The following RIMBP2 variants were observed in gnomAD, a reference collection of about 807,000 sequenced individuals.
RIMBP2 encodes the protein RIMS-binding protein 2.
Under a neutral mutation model 118.6 loss-of-function variants are expected in RIMBP2, and 48 were observed. That is an observed-to-expected ratio of 0.40 (90% CI 0.32 to 0.51). The LOEUF (loss-of-function observed/expected upper bound fraction) is 0.51, where lower values mean the gene tolerates loss of function less well. RIMBP2 is among the 20% of genes least tolerant of loss of function. The pLI, the probability that RIMBP2 is intolerant of heterozygous loss-of-function variation, is 0.41. For synonymous variants in RIMBP2, 762 were observed against 742.9 expected (o/e 1.03, Z -0.42); for missense variants, 1,551 against 1,768.3 (o/e 0.88, Z 2.20).
chr12:130,611,110 G>C (rs1395202337), intron 2 of RIMBP2, among the ~76,000 whole-genome samples: 1 of 152,168 alleles, frequency 6.6e-6, no homozygotes, highest in Non-Finnish European at 1.5e-5. Flanking sequence ...CTCTAGCCAG[G>C]CCGCCCAAAG....
intron 5 of RIMBP2, chr12:130,471,913 T>A (rs1566098446): frequency 6.5e-6 from 1 of 153,618 alleles, no homozygotes; most frequent in South Asian, 2.1e-4. Context: ...CTGGGTGGTG[T>A]GGGGCCTACG....
chr12:130,491,734 G>A (rs1009628849), intron 4 of RIMBP2, among the ~76,000 whole-genome samples: 28 of 152,176 alleles, frequency 1.8e-4, no homozygotes, highest in African/African-American at 4.3e-4. Context: ...GCCTCCCCGC[G>A]CAGAGACCTT....
Position 130,425,055 on chromosome 12 carries a change from C to T in RIMBP2, c.2413-197G>A, listed in dbSNP as rs569506691. 15 of 393,114 alleles carry T rather than the reference C, an allele frequency of 3.8e-5. No homozygotes were observed. The South Asian group carries it at 1.1e-3, about 30-fold the overall frequency. 24.4% of individuals were successfully genotyped at this position (393,114 alleles called of 1,614,324 possible). A position where few individuals can be genotyped will look rare whatever the true frequency, so the allele number is the denominator to read the frequency against. On this transcript the variant is annotated intron_variant, in intron 15 of 22. Coordinates refer to ENST00000690449, the MANE Select transcript of RIMBP2 (RefSeq NM_001393629.1). ...AACAGAATGGGTTACGGGGCTGGGG[C>T]GGGGTGGAGGCTGAGGCAGAGCACA... is the stretch of plus-strand genomic sequence containing the variant.
chr12:130,527,748 GAAA>G (rs151150103), intron 2 of RIMBP2, among the ~76,000 whole-genome samples: 59 of 131,420 alleles, frequency 4.5e-4, no homozygotes, highest in African/African-American at 1.3e-3. Context: ...ACTTACAAGA[GAAA>G]AAAAAAAAAA....
At chr12:130,480,803 GT>G (rs2081931336) in intron 4 of RIMBP2, among the ~76,000 whole-genome samples, 1 of 152,208 alleles carries the variant, frequency 6.6e-6, no homozygotes, top group African/African-American at 2.4e-5. Context: ...GTTTTGCCAT[GT>G]TGGCCAGGCT....
rs535733045 is a variant in RIMBP2 at position 130,469,728 on chromosome 12, G to C, written c.153+965C>G. On this transcript the variant is annotated intron_variant, in intron 6 of 22. Transcript: ENST00000690449. This position sits in a 1 kb window ranked among gnomAD's most constrained non-coding sequence, Gnocchi z 4.8. ...ACATAGCCCGTTTTAAGTGGCTGCT[G>C]CTCCCCCAGGGACACAGGACAAGGT... 3.9e-5 allele frequency among the ~76,000 whole-genome samples: 6 copies of C among 152,330 alleles called. 1 individual carries two copies. In the South Asian group the frequency reaches 1.2e-3, roughly 32 times the overall value.
chr12:130,625,275 C>T (rs777632332), intron 2 of RIMBP2, among the ~76,000 whole-genome samples: 18 of 152,186 alleles, frequency 1.2e-4, no homozygotes, highest in Admixed American at 2.0e-4. Flanking sequence ...CAACTCAGAT[C>T]TGTGAATAAG....
At chr12:130,632,293 C>G (rs1277532756) in intron 1 of RIMBP2, among the ~76,000 whole-genome samples, 1 of 152,230 alleles carries the variant, frequency 6.6e-6, no homozygotes, top group Non-Finnish European at 1.5e-5. Flanking sequence ...ACATCCTATT[C>G]TGCTCCTCTA....
chr12:130,608,918 C>T (rs2060342874), intron 2 of RIMBP2, among the ~76,000 whole-genome samples: 5 of 152,044 alleles, frequency 3.3e-5, no homozygotes, highest in Admixed American at 3.3e-4. Context: ...GTCCTTTAAC[C>T]AGCATCTCCC....
At chr12:130,558,019 G>C (rs1255260049) in intron 2 of RIMBP2, among the ~76,000 whole-genome samples, 1 of 152,186 alleles carries the variant, frequency 6.6e-6, no homozygotes, top group Non-Finnish European at 1.5e-5. Context: ...AAGCAAATAA[G>C]AGGAAATATG....
At chr12:130,429,959 C>T (rs766220325) in intron 14 of RIMBP2, 1 of 152,244 alleles carries the variant, frequency 6.6e-6, no homozygotes, top group Non-Finnish European at 1.5e-5. Flanking sequence ...GAGGGACTGC[C>T]TGCACCACCG....
rs1422603625 is a variant in RIMBP2 at position 130,451,265 on chromosome 12, G to C, written c.434C>G (p.Pro145Arg). 1 of 1,614,134 alleles carries C rather than the reference G, an allele frequency of 6.2e-7. No homozygotes were observed. The highest frequency in any genetic ancestry group is 1.7e-5 in the Admixed American group (1 of 60,020). ...IRPLPQPGDR[P>R]EPLSAKPTFL... ...GGTGGGCTTGGCGGACAGAGGCTCC[G>C]GCCTGTCACCAGGCTGCGGAAGGGG... is the stretch of plus-strand genomic sequence containing the variant. Residue 145 changes from proline to arginine, a missense_variant, in exon 8 of 23, where the codon CCG becomes CGG. By Grantham distance (103) the Pro-to-Arg change is moderately radical. Coordinates refer to ENST00000690449, the MANE Select transcript of RIMBP2 (RefSeq NM_001393629.1).
intron 1 of RIMBP2, among the ~76,000 whole-genome samples, chr12:130,646,840 T>C (rs1277731419): frequency 1.3e-5 from 2 of 152,232 alleles, no homozygotes; most frequent in African/African-American, 2.4e-5. Flanking sequence ...CAGTTCAGAC[T>C]CTGCAGCCAC....
intron 2 of RIMBP2, among the ~76,000 whole-genome samples, chr12:130,584,278 C>A (rs1269094132): frequency 1.5e-5 from 1 of 66,284 alleles, no homozygotes; most frequent in East Asian, 5.7e-4. Context: ...ACCATCACCT[C>A]ATCGCCATCA....
At chr12:130,529,897 G>T (rs2053195954) in intron 2 of RIMBP2, among the ~76,000 whole-genome samples, 1 of 152,178 alleles carries the variant, frequency 6.6e-6, no homozygotes, top group Non-Finnish European at 1.5e-5. Flanking sequence ...TGATCTGATA[G>T]AAGGCAGAGC....
chr12:130,403,323 G>A (rs7959137), intron 21 of RIMBP2, among the ~76,000 whole-genome samples: 76,947 of 151,998 alleles, frequency 0.51, 20,088 homozygotes, highest in Non-Finnish European at 0.58. Context: ...AGAAGCATAC[G>A]TTTCATATTA....
chr12:130,398,726 G>T (rs766503358), intron 22 of RIMBP2: 1 of 152,696 alleles, frequency 6.5e-6, no homozygotes, highest in African/African-American at 2.4e-5. Flanking sequence ...CTTGGGTTAA[G>T]TTTCTAAAGT....
chr12:130,488,440 G>A (rs2082664384), intron 4 of RIMBP2, among the ~76,000 whole-genome samples: 1 of 152,064 alleles, frequency 6.6e-6, no homozygotes, highest in South Asian at 2.1e-4. Flanking sequence ...GGGGCCGTAA[G>A]TTTAATATTA....
chr12:130,529,697 G>C (rs12300708), intron 2 of RIMBP2, among the ~76,000 whole-genome samples: 1 of 152,100 alleles, frequency 6.6e-6, no homozygotes, highest in East Asian at 1.9e-4. Context: ...TAAGGCATCA[G>C]TCCCCAACAT....
Sources: gnomAD v4.1 joint callset for allele counts (sites outside exome capture counted in the v4.1 genomes callset) on GRCh38, gnomAD v4.1.1 for gene constraint, Gnocchi (gnomAD v3.1) non-coding constraint, MANE v1.5 for transcripts, NCBI Gene and HGNC (gene_info 2026-07-23, HGNC 2026-07-21) for gene names.